Variants in GRIK1 observed in about 807,000 individuals in gnomAD.
The protein encoded by GRIK1 is glutamate receptor ionotropic, kainate 1.
GRIK1 carries 69 observed loss-of-function variants against 105.7 expected under a neutral mutation model. The ratio of observed to expected loss-of-function variants is 0.65; its 90% CI spans 0.54 to 0.80. The LOEUF is 0.80. Ranked by LOEUF, GRIK1 falls within the 30% of genes least tolerant of loss-of-function variation. The pLI, the probability that GRIK1 is intolerant of heterozygous loss-of-function variation, is 0.00. For synonymous variants in GRIK1, 438 were observed against 431.3 expected, an observed-to-expected ratio of 1.02 and a Z score of -0.19; for missense variants, 1,109 against 1,167.3, an observed-to-expected ratio of 0.95 and a Z score of 0.73.
At chr21:29,847,808 G>T (rs1253238365) in intron 1 of GRIK1, among the ~76,000 whole-genome samples, 1 of 152,006 alleles carries the variant, frequency 6.6e-6, no homozygotes. Flanking sequence ...ATGCTTTCAA[G>T]AACACACCTA....
chr21:29,805,332 G>C (rs1307847125), intron 1 of GRIK1, among the ~76,000 whole-genome samples: 3 of 152,106 alleles, frequency 2.0e-5, no homozygotes, highest in African/African-American at 2.4e-5. Context: ...AGCTGATAGT[G>C]CAGAAGGCAG....
rs896289052 is a variant in GRIK1, at chr21:29,713,834, G to GT, written c.119-19772dup. On this transcript the variant is annotated intron_variant, in intron 1 of 17. Coordinates refer to ENST00000327783, the MANE Select transcript of GRIK1 (RefSeq NM_001330994.2). ...CAGCTGAACTTTTCCTCTGCCATTT[G>GT]TTTTTTTTTGCTTCAGCTGTACAGT... 1.5e-3 allele frequency among the ~76,000 whole-genome samples: 228 copies of GT among 150,200 alleles called. 1 individual carries two copies. Among genetic ancestry groups the GT allele is most frequent in the African/African-American group, 4.8e-3 (196 of 40,854 alleles).
chr21:29,548,727 A>G (rs1017568454), intron 16 of GRIK1, among the ~76,000 whole-genome samples: 14 of 152,218 alleles, frequency 9.2e-5, no homozygotes, highest in African/African-American at 3.4e-4. Flanking sequence ...AGAACATAAT[A>G]TAATATCAGT....
intron 1 of GRIK1, among the ~76,000 whole-genome samples, chr21:29,826,753 G>C (rs575388355): frequency 1.3e-5 from 2 of 152,198 alleles, no homozygotes; most frequent in African/African-American, 4.8e-5. Context: ...GAGAGAGAGA[G>C]AGAAATTTAT....
chr21:29,766,031 T>G (rs1249227978), intron 1 of GRIK1, among the ~76,000 whole-genome samples: 1 of 151,998 alleles, frequency 6.6e-6, no homozygotes, highest in South Asian at 2.1e-4. Flanking sequence ...TTTTGTATTT[T>G]TAGTAGAGAC....
At chr21:29,774,660 C>G (rs987221969) in intron 1 of GRIK1, among the ~76,000 whole-genome samples, 1 of 152,028 alleles carries the variant, frequency 6.6e-6, no homozygotes, top group African/African-American at 2.4e-5. Flanking sequence ...CCATATTGGC[C>G]AGGCTGGTCT....
intron 16 of GRIK1, among the ~76,000 whole-genome samples, chr21:29,547,584 C>T (rs1320059151): frequency 6.6e-6 from 1 of 152,202 alleles, no homozygotes; most frequent in Non-Finnish European, 1.5e-5. Context: ...AACCTGAGTT[C>T]TTGGCATGTG....
At chr21:29,697,869 C>T (rs1228827467) in intron 1 of GRIK1, among the ~76,000 whole-genome samples, 1 of 152,092 alleles carries the variant, frequency 6.6e-6, no homozygotes, top group Non-Finnish European at 1.5e-5. Flanking sequence ...CTCTTTCCCT[C>T]TCTTTTTTTC....
intron 7 of GRIK1, among the ~76,000 whole-genome samples, chr21:29,615,878 A>G (rs1354695636): frequency 6.6e-6 from 1 of 152,176 alleles, no homozygotes. Flanking sequence ...CCTGCAAGTA[A>G]CAAGACTTCA....
At chr21:29,724,043 T>C (rs180712369) in intron 1 of GRIK1, among the ~76,000 whole-genome samples, 1 of 152,360 alleles carries the variant, frequency 6.6e-6, no homozygotes, top group East Asian at 1.9e-4. Context: ...TGAAATGTTG[T>C]GCCCTCTTTT....
At chr21:29,846,281 G>A (rs540605029) in intron 1 of GRIK1, among the ~76,000 whole-genome samples, 6 of 151,772 alleles carry the variant, frequency 4.0e-5, no homozygotes, top group Admixed American at 2.0e-4. Flanking sequence ...CCAGCTACTC[G>A]GGAGGCTGAG....
chr21:29,784,906 G>A (rs927921519), intron 1 of GRIK1, among the ~76,000 whole-genome samples: 4 of 152,128 alleles, frequency 2.6e-5, no homozygotes, highest in African/African-American at 9.7e-5. Flanking sequence ...ATCTCAAGGG[G>A]TATTTTGCAG....
intron 1 of GRIK1, among the ~76,000 whole-genome samples, chr21:29,808,284 AT>A (rs2066916825): frequency 2.0e-5 from 3 of 152,130 alleles, no homozygotes; most frequent in Admixed American, 1.3e-4. Flanking sequence ...AGCAGGACTC[AT>A]TGGTGAGTTC....
intron 1 of GRIK1, among the ~76,000 whole-genome samples, chr21:29,766,961 G>C (rs557739083): frequency 6.6e-6 from 1 of 152,244 alleles, no homozygotes; most frequent in South Asian, 2.1e-4. Context: ...AAGATTCTGG[G>C]GTCTTAACTC....
chr21:29,690,080 T>G lies in GRIK1; in HGVS notation c.287-95A>C, dbSNP rs147437319. On this transcript the variant is annotated intron_variant, in intron 2 of 17. Transcript: ENST00000327783. ...ATGAATTTAATTTTTTCTTTCATGA[T>G]TCCTCTTTTTAATGCAACTATTGAA... is the stretch of plus-strand genomic sequence containing the variant. The G allele has an allele frequency of 1.5e-3, 1,413 of 959,780 alleles. 11 individuals carry two copies. The African/African-American group carries it at 0.02, about 13-fold the overall frequency. The allele number at this position is 959,780 out of a possible 1,614,324, so 59.5% of individuals were successfully genotyped here. A position where few individuals can be genotyped will look rare whatever the true frequency, so the allele number is the denominator to read the frequency against.
chr21:29,888,557 CA>C (rs1463937659), intron 1 of GRIK1, among the ~76,000 whole-genome samples: 4 of 151,722 alleles, frequency 2.6e-5, no homozygotes, highest in African/African-American at 9.7e-5. Context: ...AGGTGTGAGC[CA>C]TTCACCCGGC....
At chr21:29,786,178 G>A (rs2066255805) in intron 1 of GRIK1, among the ~76,000 whole-genome samples, 1 of 152,158 alleles carries the variant, frequency 6.6e-6, no homozygotes, top group African/African-American at 2.4e-5. Context: ...TAGTAGAGAT[G>A]GGGTTTCCCC....
At chr21:29,890,621 A>G (rs1326523196) in intron 1 of GRIK1, among the ~76,000 whole-genome samples, 2 of 152,154 alleles carry the variant, frequency 1.3e-5, no homozygotes, top group Non-Finnish European at 2.9e-5. Flanking sequence ...AAAGAACACA[A>G]TGAAATGTTT....
chr21:29,800,242 C>G (rs1377255498), intron 1 of GRIK1, among the ~76,000 whole-genome samples: 1 of 152,218 alleles, frequency 6.6e-6, no homozygotes, highest in African/African-American at 2.4e-5. Flanking sequence ...AGGCATGCAA[C>G]AATTCAATGC....
Sources: gnomAD v4.1 joint callset for allele counts (sites outside exome capture counted in the v4.1 genomes callset) on GRCh38, gnomAD v4.1.1 for gene constraint, MANE v1.5 for transcripts, NCBI Gene and HGNC (gene_info 2026-07-23, HGNC 2026-07-21) for gene names.